CDK14: variants seen among roughly 807,000 people sequenced by gnomAD.
CDK14 encodes cyclin dependent kinase 14, also known as cyclin-dependent kinase 14.
CDK14 carries 34 observed loss-of-function variants against 60.7 expected under a neutral mutation model. The observed-to-expected ratio is 0.56, with a 90% CI of 0.43 to 0.75. The LOEUF is 0.75. Ranked by LOEUF, CDK14 falls within the 30% of genes least tolerant of loss-of-function variation. The pLI is 0.00. For synonymous variants in CDK14, 197 were observed against 203.7 expected (o/e 0.97, Z 0.28); for missense variants, 482 against 564.1 (o/e 0.85, Z 1.47).
intron 2 of CDK14, among the ~76,000 whole-genome samples, chr7:90,621,493 T>C (rs1799763704): frequency 6.6e-6 from 1 of 152,254 alleles, no homozygotes; most frequent in Non-Finnish European, 1.5e-5. Context: ...TCTCTGAATC[T>C]CATTCTTTCA....
chr7:90,737,326 C>T (rs977127579), intron 3 of CDK14, among the ~76,000 whole-genome samples: 11 of 152,244 alleles, frequency 7.2e-5, no homozygotes, highest in African/African-American at 2.7e-4. Context: ...CTACATTCCA[C>T]AAATTGCTCC....
chr7:90,752,189 C>A (rs1803873191), intron 4 of CDK14, among the ~76,000 whole-genome samples: 2 of 152,060 alleles, frequency 1.3e-5, no homozygotes, highest in Admixed American at 6.5e-5. Flanking sequence ...TAGGCATCTA[C>A]AGGATATTCC....
chr7:90,647,150 A>G (rs1800486590), intron 2 of CDK14, among the ~76,000 whole-genome samples: 1 of 152,172 alleles, frequency 6.6e-6, no homozygotes, highest in African/African-American at 2.4e-5. Flanking sequence ...TGTGAACTAT[A>G]GGCTGCTTTC....
intron 2 of CDK14, chr7:90,726,285 T>C (rs1304962195): frequency 1.0e-6 from 1 of 983,542 alleles, no homozygotes; most frequent in Admixed American, 6.2e-5. Context: ...GTGACAGAGT[T>C]CAAGAATCAT....
At chr7:90,603,154 A>G (rs150951875) in intron 1 of CDK14, among the ~76,000 whole-genome samples, 31 of 152,346 alleles carry the variant, frequency 2.0e-4, no homozygotes, top group African/African-American at 6.3e-4. Flanking sequence ...ACATTTCTCC[A>G]GCTAGTAGTT....
intron 9 of CDK14, among the ~76,000 whole-genome samples, chr7:90,966,345 T>C (rs962128036): frequency 6.6e-6 from 1 of 152,178 alleles, no homozygotes; most frequent in African/African-American, 2.4e-5. Flanking sequence ...CATTAAGCAC[T>C]ATAAATCTAT....
intron 12 of CDK14, among the ~76,000 whole-genome samples, chr7:91,102,609 C>T (rs1309775119): frequency 6.7e-6 from 1 of 148,566 alleles, no homozygotes; most frequent in African/African-American, 2.5e-5. Context: ...TCTTTTAGAA[C>T]TATAGTGTAA....
chr7:90,660,369 T>C (rs948212689), intron 2 of CDK14, among the ~76,000 whole-genome samples: 1 of 152,220 alleles, frequency 6.6e-6, no homozygotes, highest in Non-Finnish European at 1.5e-5. Flanking sequence ...GCAAGTTACT[T>C]AATTTCTCTC....
At chr7:91,018,494 A>G (rs1251209391) in intron 10 of CDK14, among the ~76,000 whole-genome samples, 1 of 152,158 alleles carries the variant, frequency 6.6e-6, no homozygotes, top group African/African-American at 2.4e-5. Flanking sequence ...GAGTCTACAC[A>G]TGGTAGAAGG....
intron 14 of CDK14, among the ~76,000 whole-genome samples, chr7:91,180,786 A>G (rs559021281): frequency 7.9e-5 from 12 of 152,324 alleles, no homozygotes; most frequent in Non-Finnish European, 1.5e-4. Flanking sequence ...GGAGAAAGGA[A>G]GAGATGAATA....
At chr7:90,970,716 C>T (rs185806687) in intron 9 of CDK14, among the ~76,000 whole-genome samples, 3 of 152,248 alleles carry the variant, frequency 2.0e-5, no homozygotes, top group African/African-American at 4.8e-5. Context: ...TACAGTGGAG[C>T]GAAAGGTTTC....
At chr7:90,596,750 C>G in intron 1 of CDK14, 32 bp downstream of exon 1, 1 of 1,558,564 alleles carries the variant, frequency 6.4e-7, no homozygotes, top group Non-Finnish European at 8.8e-7. Context: ...GCCCCCCCAG[C>G]GCCCGCTCCC....
chr7:91,038,024 G>T (rs952077732), intron 10 of CDK14, among the ~76,000 whole-genome samples: 6 of 152,206 alleles, frequency 3.9e-5, no homozygotes, highest in Admixed American at 2.0e-4. Context: ...AAGCTGAGCA[G>T]TCGCTGCTCT....
At chr7:91,166,695 G>A (rs1801357317) in intron 14 of CDK14, among the ~76,000 whole-genome samples, 1 of 152,316 alleles carries the variant, frequency 6.6e-6, no homozygotes, top group Non-Finnish European at 1.5e-5. Flanking sequence ...ATGTGTGAAT[G>A]TGTTTGTAAA....
intron 3 of CDK14, among the ~76,000 whole-genome samples, chr7:90,732,063 T>C (rs1033022528): frequency 6.6e-6 from 1 of 152,216 alleles, no homozygotes; most frequent in African/African-American, 2.4e-5. Flanking sequence ...CTGTTGAATT[T>C]TGTCAAAGGC....
chr7:90,751,960 A>C (rs1328374911), intron 4 of CDK14, among the ~76,000 whole-genome samples: 1 of 152,248 alleles, frequency 6.6e-6, no homozygotes, highest in Non-Finnish European at 1.5e-5. Context: ...TAAAGTGTTC[A>C]ATTCAACAAG....
chr7:91,087,238 G>A (rs1447585455), intron 12 of CDK14, among the ~76,000 whole-genome samples: 2 of 152,246 alleles, frequency 1.3e-5, no homozygotes, highest in Non-Finnish European at 2.9e-5. Context: ...TTCATTGTGA[G>A]GATAGAGCTC....
At chr7:91,076,640 A>G (rs1301888976) in intron 11 of CDK14, among the ~76,000 whole-genome samples, 1 of 152,210 alleles carries the variant, frequency 6.6e-6, no homozygotes, top group African/African-American at 2.4e-5. Flanking sequence ...AAAAGCTAAA[A>G]TTGACAAATG....
chr7:91,179,660 G>A (rs180781265), intron 14 of CDK14, among the ~76,000 whole-genome samples: 8,920 of 151,902 alleles, frequency 0.059, 389 homozygotes, highest in Admixed American at 0.14. Context: ...AAAATTAGCC[G>A]GGCGTGGTGG....
Sources: allele counts gnomAD v4.1 joint callset (sites outside exome capture counted in the v4.1 genomes callset), GRCh38; gene constraint gnomAD v4.1.1; transcripts MANE v1.5; gene names NCBI Gene and HGNC (gene_info 2026-07-23, HGNC 2026-07-21).